PRKCZ: variants seen among roughly 807,000 people sequenced by gnomAD.
The protein encoded by PRKCZ is protein kinase C zeta.
A neutral mutation model predicts 79.5 loss-of-function variants in PRKCZ; 33 were observed. The observed-to-expected ratio is 0.41, with a 90% CI of 0.31 to 0.55. PRKCZ has a LOEUF of 0.55. PRKCZ is among the 20% of genes least tolerant of loss of function. The pLI is 0.19. For missense variants in PRKCZ, 578 were observed against 813.5 expected (o/e 0.71, Z 3.52); for synonymous variants, 342 against 320.9 (o/e 1.07, Z -0.70).
At chr1:2,110,944 C>T (rs548457831) in intron 4 of PRKCZ, among the ~76,000 whole-genome samples, 13 of 152,190 alleles carry the variant, frequency 8.5e-5, no homozygotes, top group African/African-American at 2.9e-4. Flanking sequence ...AGCTTGCACA[C>T]GTCCCTGCGG....
At chr1:2,183,087 C>T (rs1229387382) in intron 16 of PRKCZ, among the ~76,000 whole-genome samples, 1 of 152,156 alleles carries the variant, frequency 6.6e-6, no homozygotes. Context: ...CAAAATTAGC[C>T]AGGCGTGGTG....
At chr1:2,051,192 G>A (rs1659610267) in intron 1 of PRKCZ, among the ~76,000 whole-genome samples, 1 of 152,190 alleles carries the variant, frequency 6.6e-6, no homozygotes, top group Non-Finnish European at 1.5e-5. Flanking sequence ...GGGGCGGTCG[G>A]GCGGGGACAG....
intron 4 of PRKCZ, among the ~76,000 whole-genome samples, chr1:2,079,536 A>G (rs1663080812): frequency 6.6e-6 from 1 of 152,176 alleles, no homozygotes; most frequent in African/African-American, 2.4e-5. Flanking sequence ...CTCGGCCACA[A>G]CGCTGTCCAC....
intron 16 of PRKCZ, chr1:2,183,981 G>A (rs1687138269): frequency 6.6e-6 from 1 of 152,544 alleles, no homozygotes; most frequent in Non-Finnish European, 1.5e-5. Flanking sequence ...GGGGTTTTCA[G>A]TGTCCTCACC....
intron 7 of PRKCZ, among the ~76,000 whole-genome samples, chr1:2,147,344 CTCCATCTA>C (rs1678799647): frequency 6.7e-6 from 1 of 150,188 alleles, no homozygotes; most frequent in South Asian, 2.1e-4. Flanking sequence ...CCACTGACCT[CTCCATCTA>C]TCCATCTATT....
At chr1:2,079,078 G>A (rs1043814295) in intron 4 of PRKCZ, among the ~76,000 whole-genome samples, 2 of 152,202 alleles carry the variant, frequency 1.3e-5, no homozygotes, top group Non-Finnish European at 2.9e-5. Context: ...TTCTGACCTT[G>A]TGATCCGCCC....
At chr1:2,078,426 C>T (rs554828901) in intron 4 of PRKCZ, among the ~76,000 whole-genome samples, 2 of 152,236 alleles carry the variant, frequency 1.3e-5, no homozygotes, top group African/African-American at 2.4e-5. Context: ...CTTGTGTGAC[C>T]GAGAAGTCAG....
chr1:2,084,343 A>T (rs1309262825), intron 4 of PRKCZ, among the ~76,000 whole-genome samples: 2 of 152,204 alleles, frequency 1.3e-5, no homozygotes, highest in African/African-American at 4.8e-5. Context: ...CCCCACGCTC[A>T]TGAGGGCGAG....
At chr1:2,106,438 C>G (rs1474128135) in intron 4 of PRKCZ, among the ~76,000 whole-genome samples, 1 of 151,504 alleles carries the variant, frequency 6.6e-6, no homozygotes, top group Non-Finnish European at 1.5e-5. Flanking sequence ...ACACGTGTCG[C>G]CAGGCCAGGC....
intron 4 of PRKCZ, among the ~76,000 whole-genome samples, chr1:2,067,439 G>A (rs146710206): frequency 0.015 from 2,260 of 152,336 alleles, 28 homozygotes; most frequent in Non-Finnish European, 0.023. Flanking sequence ...GGGGCTGAGC[G>A]TGTGATGAGA....
intron 4 of PRKCZ, among the ~76,000 whole-genome samples, chr1:2,100,106 A>G (rs1366309620): frequency 1.3e-5 from 2 of 152,190 alleles, no homozygotes; most frequent in African/African-American, 4.8e-5. Context: ...TAGGATTCCT[A>G]TGAGGGCCAG....
chr1:2,135,789 C>CT (rs1008245514), intron 5 of PRKCZ, among the ~76,000 whole-genome samples: 45 of 152,386 alleles, frequency 3.0e-4, no homozygotes, highest in African/African-American at 1.0e-3. Context: ...GCTTGGGCCT[C>CT]TGTCTTCCCA....
At chr1:2,065,680 A>G (rs890400926) in intron 4 of PRKCZ, among the ~76,000 whole-genome samples, 4 of 139,284 alleles carry the variant, frequency 2.9e-5, no homozygotes, top group Non-Finnish European at 6.1e-5. Context: ...CTCTGTCTCA[A>G]AAAAAAAAAA....
In PRKCZ at chr1:2,050,696, CG is replaced by C. The variant is rs1449368177; in HGVS notation, c.71+1del. On this transcript the variant is annotated frameshift_variant, in exon 1 of 18. Coordinates refer to ENST00000378567, the MANE Select transcript of PRKCZ (RefSeq NM_002744.6). LOFTEE classifies it high-confidence loss of function. ...GCCGCGTCCGCCTCAAGGCGCATTA[CG>C]GGGGGTGAGCGGCGGAGAGGGCGGG... ...GGRVRLKAHYGGDIFITSVDA... is the reference protein window; with the variant it reads ...GGRVRLKAHYXGDIFITSVDA... 3 of 1,149,186 alleles carry C rather than the reference CG, an allele frequency of 2.6e-6. No homozygotes were observed. Among genetic ancestry groups the C allele is most frequent in the South Asian group, 8.5e-5 (2 of 23,484 alleles). 71.2% of individuals were successfully genotyped at this position (1,149,186 alleles called of 1,614,324 possible).
At chr1:2,089,000 T>C (rs1432236081) in intron 4 of PRKCZ, among the ~76,000 whole-genome samples, 1 of 152,260 alleles carries the variant, frequency 6.6e-6, no homozygotes, top group Non-Finnish European at 1.5e-5. Context: ...TTCTATACTA[T>C]TAGTTTTTAT....
At position 2,092,145 on chromosome 1, in the gene PRKCZ, C is replaced by T. The variant is rs539451258; in HGVS notation, c.334+32554C>T. On this transcript the variant is annotated intron_variant, in intron 4 of 17. Coordinates refer to ENST00000378567, the MANE Select transcript of PRKCZ (RefSeq NM_002744.6). ...GATACTCCGGCCATGCCAGCCGCCC[C>T]CTTGGCTCCGGCCCCGTCCATCCAG... is the stretch of plus-strand genomic sequence containing the variant. Among the ~76,000 whole-genome samples, 17 of 152,330 alleles carry T rather than the reference C, an allele frequency of 1.1e-4. 1 individual carries two copies. The South Asian group carries it at 2.3e-3, about 20-fold the overall frequency.
At chr1:2,089,468 A>G (rs1665108844) in intron 4 of PRKCZ, among the ~76,000 whole-genome samples, 1 of 152,152 alleles carries the variant, frequency 6.6e-6, no homozygotes, top group Non-Finnish European at 1.5e-5. Context: ...TGATTGCTCG[A>G]GATGCTGAAG....
At chr1:2,080,513 T>C (rs1663298303) in intron 4 of PRKCZ, among the ~76,000 whole-genome samples, 1 of 152,054 alleles carries the variant, frequency 6.6e-6, no homozygotes, top group Non-Finnish European at 1.5e-5. Context: ...TTGACCCAGG[T>C]AGTTTAGTTC....
chr1:2,127,396 C>A lies in PRKCZ; in HGVS notation c.335-7866C>A, dbSNP rs900486492. On this transcript the variant is annotated intron_variant, in intron 4 of 17. Coordinates refer to ENST00000378567, the MANE Select transcript of PRKCZ (RefSeq NM_002744.6). This position sits in a 1 kb window ranked among gnomAD's most constrained non-coding sequence, Gnocchi z 5.1. Reference sequence around the variant, plus strand: ...GATGGAGGGGCTGCACCTCCACTGCCCCCCCCACCGCCGCCCCTGCCCCAC... The same window carrying A: ...GATGGAGGGGCTGCACCTCCACTGCACCCCCCACCGCCGCCCCTGCCCCAC... Among the ~76,000 whole-genome samples the A allele has an allele frequency of 6.9e-6, 1 of 145,710 alleles. No individual in the cohort carries two copies. Among genetic ancestry groups the A allele is most frequent in the Non-Finnish European group, 1.5e-5 (1 of 67,880 alleles).
Sources: allele counts gnomAD v4.1 joint callset (sites outside exome capture counted in the v4.1 genomes callset), GRCh38; gene constraint gnomAD v4.1.1; non-coding constraint Gnocchi (gnomAD v3.1); transcripts MANE v1.5; gene names NCBI Gene and HGNC (gene_info 2026-07-23, HGNC 2026-07-21).